WDR62: variants seen among roughly 807,000 people sequenced by gnomAD.
WDR62 encodes the protein WD repeat domain 62.
Under a neutral mutation model 160.6 loss-of-function variants are expected in WDR62, and 112 were observed. That is an observed-to-expected ratio of 0.70 (90% confidence interval 0.60 to 0.82). The LOEUF is 0.82. Among genes scored for constraint, WDR62 ranks in the 40% least tolerant of loss-of-function variants. WDR62 has a pLI of 0.00. For missense variants in WDR62, 1,819 were observed against 1,983.8 expected (o/e 0.92, Z 1.58); for synonymous variants, 792 against 815.1 (o/e 0.97, Z 0.48).
At chr19:36,086,604 G>A in intron 12 of WDR62, 83 bp from the exon 13 acceptor site, 1 of 1,518,832 alleles carries the variant, frequency 6.6e-7, no homozygotes, top group Non-Finnish European at 8.9e-7. Context: ...CCGAGGACTG[G>A]GCAGCTTGGT....
chr19:36,103,949 G>A lies in WDR62; in HGVS notation c.4121G>A (p.Gly1374Asp). ...QLPEARPGIP[G>D]GTASLLEPTS... ...CCAGAGGCCCGGCCTGGCATCCCTG[G>A]CGGCACTGCCTCCCTCCTGGAGCCC... is the stretch of plus-strand genomic sequence containing the variant. The change falls in exon 30 of 32, where the codon GGC (glycine) becomes GAC (aspartate). Residue 1374 changes from glycine to aspartate, a missense_variant. This residue lies in a region of WDR62 where 770 missense variants were observed against 734.2 expected (regional missense o/e 1.05). Transcript: ENST00000401500. The A allele has an allele frequency of 6.3e-7, 1 of 1,598,680 alleles. No homozygotes were observed. Among genetic ancestry groups the A allele is most frequent in the Non-Finnish European group, 8.5e-7 (1 of 1,179,924 alleles).
chr19:36,081,312 A>G, intron 9 of WDR62, 121 bp from the exon 10 acceptor site: 1 of 1,150,202 alleles, frequency 8.7e-7, no homozygotes, highest in Non-Finnish European at 1.3e-6. Flanking sequence ...TTTTTAGCAT[A>G]GAAGGTATTG....
At chr19:36,084,369 C>T (rs1055986301) in intron 11 of WDR62, among the ~76,000 whole-genome samples, 4 of 152,162 alleles carry the variant, frequency 2.6e-5, no homozygotes, top group Non-Finnish European at 4.4e-5. Flanking sequence ...TGCAGCCCTA[C>T]GTAAACACCT....
At chr19:36,089,455 T>A in intron 15 of WDR62, 149 bp downstream of exon 15, 1 of 1,354,426 alleles carries the variant, frequency 7.4e-7, no homozygotes, top group Non-Finnish European at 1.0e-6. Context: ...TTTGTTTTTG[T>A]TTTTGAGGCA....
intron 27 of WDR62, 43 bp downstream of exon 27, chr19:36,102,894 A>T (rs1353748334): frequency 6.2e-7 from 1 of 1,614,156 alleles, no homozygotes; most frequent in South Asian, 1.1e-5. Context: ...GCTCCTCAAC[A>T]GTGCCCCAGG....
At chr19:36,094,397 T>C (rs1209200359) in intron 20 of WDR62, among the ~76,000 whole-genome samples, 1 of 150,896 alleles carries the variant, frequency 6.6e-6, no homozygotes, top group African/African-American at 2.4e-5. Flanking sequence ...CAACTAAAAA[T>C]ACAAAAATTA....
chr19:36,101,595 G>C (rs936421048), intron 24 of WDR62, 69 bp from the exon 25 acceptor site: 1 of 1,216,726 alleles, frequency 8.2e-7, no homozygotes. Flanking sequence ...GCCCAGGGAA[G>C]GGTAGCCCTG....
At chr19:36,105,198 G>A (rs897540441), downstream of WDR62, 14 of 819,820 alleles carry the variant, frequency 1.7e-5, no homozygotes, top group Admixed American at 1.6e-4. Context: ...CAGAGGACTC[G>A]TGTCTGTCAG....
chr19:36,092,608 G>T (rs1972690174), intron 18 of WDR62, 81 bp from the exon 19 acceptor site: 1 of 1,578,226 alleles, frequency 6.3e-7, no homozygotes, highest in Admixed American at 1.7e-5. Context: ...CTGTGGTGTG[G>T]GTGGCTTCAG....
chr19:36,101,613 C>A (rs1213276714), intron 24 of WDR62, 51 bp from the exon 25 acceptor site: 1 of 1,428,294 alleles, frequency 7.0e-7, no homozygotes, highest in South Asian at 1.2e-5. Flanking sequence ...CTGGCCCTGG[C>A]TCACCAGAAT....
Position 36,058,768 on chromosome 19 carries a change from T to G in WDR62, c.178-12T>G. Reference sequence around the variant, plus strand: ...AGGGTGGGTGCCTCTGACTTGGGCTTTTTCTTTGCAGGTGTCACTCGAGAA... The same window carrying G: ...AGGGTGGGTGCCTCTGACTTGGGCTGTTTCTTTGCAGGTGTCACTCGAGAA... On this transcript the variant is annotated splice_polypyrimidine_tract_variant and intron_variant, in intron 1 of 31. Transcript: ENST00000401500. 1 of 1,613,588 alleles carries G rather than the reference T, an allele frequency of 6.2e-7. No individual in the cohort carries two copies. The highest frequency in any genetic ancestry group is 8.5e-7 in the Non-Finnish European group (1 of 1,179,640).
At chr19:36,062,353 C>G (rs1458361695) in intron 3 of WDR62, 1 of 152,060 alleles carries the variant, frequency 6.6e-6, no homozygotes, top group Non-Finnish European at 1.5e-5. Flanking sequence ...CCCTATATCT[C>G]TAAATACTTC....
intron 7 of WDR62, among the ~76,000 whole-genome samples, chr19:36,069,275 G>A (rs1244986656): frequency 6.6e-6 from 1 of 151,968 alleles, no homozygotes; most frequent in African/African-American, 2.4e-5. Context: ...CTTCTCAGAC[G>A]GGGCGGCTGC....
chr19:36,101,425 G>C (rs966825423), intron 24 of WDR62, 108 bp downstream of exon 24: 1 of 1,071,348 alleles, frequency 9.3e-7, no homozygotes, highest in African/African-American at 1.6e-5. Context: ...AGAGTCTGTC[G>C]AGGAAGACAC....
intron 13 of WDR62, among the ~76,000 whole-genome samples, chr19:36,087,675 C>G (rs951436773): frequency 6.6e-6 from 1 of 151,604 alleles, no homozygotes; most frequent in Non-Finnish European, 1.5e-5. Flanking sequence ...AAAAAGTAAC[C>G]GGGCATGGTG....
At position 36,085,414 on chromosome 19, in the gene WDR62, C is replaced by CTT. The variant is rs35753706; in HGVS notation, c.1642+692_1642+693dup. On this transcript the variant is annotated intron_variant, in intron 12 of 31. Coordinates refer to ENST00000401500, the MANE Select transcript of WDR62 (RefSeq NM_001083961.2). Reference sequence around the variant, plus strand: ...TAGGGCATGAGCCACCACACCTGACCTTTTTTTTTTTTTTTTTTTTTTTGA... The same window carrying CTT: ...TAGGGCATGAGCCACCACACCTGACCTTTTTTTTTTTTTTTTTTTTTTTTTGA... Among the ~76,000 whole-genome samples, 511 of 70,294 alleles carry CTT rather than the reference C, an allele frequency of 7.3e-3. 33 individuals are homozygous for CTT. The highest frequency in any genetic ancestry group is 0.017 in the Middle Eastern group (2 of 116). 46.1% of individuals were successfully genotyped at this position (70,294 alleles called of 152,430 possible).
At chr19:36,106,428 C>T (rs1484443550), downstream of WDR62, among the ~76,000 whole-genome samples, 2 of 151,226 alleles carry the variant, frequency 1.3e-5, no homozygotes, top group Non-Finnish European at 2.9e-5. Flanking sequence ...GCAGAAGGAA[C>T]ATCAGGCAAC....
chr19:36,068,983 C>T (rs1301183345), intron 7 of WDR62, among the ~76,000 whole-genome samples: 2 of 149,954 alleles, frequency 1.3e-5, no homozygotes, highest in African/African-American at 2.5e-5. Context: ...AGGGCGGAGG[C>T]GGACCCCCAC....
At chr19:36,104,185 G>C (rs186535947) in intron 30 of WDR62, among the ~76,000 whole-genome samples, 221 of 152,352 alleles carry the variant, frequency 1.5e-3, no homozygotes, top group African/African-American at 5.2e-3. Flanking sequence ...ACAACACAGA[G>C]AACTGACAGC....
Sources: allele counts gnomAD v4.1 joint callset (sites outside exome capture counted in the v4.1 genomes callset), GRCh38; gene constraint gnomAD v4.1.1; regional missense constraint gnomAD v4.1.1; transcripts MANE v1.5; gene names NCBI Gene and HGNC (gene_info 2026-07-23, HGNC 2026-07-21).